The following ADK variants were observed in gnomAD, a reference collection of about 807,000 sequenced individuals.
ADK encodes N6,N6-dimethyladenosine kinase.
ADK carries 24 observed loss-of-function variants against 44.7 expected under a neutral mutation model. That is an observed-to-expected ratio of 0.54 (90% CI 0.39 to 0.76). The LOEUF is 0.76. Among genes scored for constraint, ADK ranks in the 30% least tolerant of loss-of-function variants. The pLI, the probability that ADK is intolerant of heterozygous loss-of-function variation, is 0.00. For missense variants in ADK, 321 were observed against 425.1 expected, an observed-to-expected ratio of 0.76 and a Z score of 2.15; for synonymous variants, 128 against 142.6, an observed-to-expected ratio of 0.90 and a Z score of 0.73.
At chr10:74,505,783 A>C (rs1848049571) in intron 6 of ADK, among the ~76,000 whole-genome samples, 1 of 152,154 alleles carries the variant, frequency 6.6e-6, no homozygotes, top group African/African-American at 2.4e-5. Flanking sequence ...TACCATGTGT[A>C]ATGATCTTTA....
chr10:74,352,826 T>C (rs1300091514), intron 4 of ADK, among the ~76,000 whole-genome samples: 1 of 152,164 alleles, frequency 6.6e-6, no homozygotes, highest in Non-Finnish European at 1.5e-5. Context: ...CTCATCATCA[T>C]TGGTCATTAG....
intron 9 of ADK, among the ~76,000 whole-genome samples, chr10:74,619,649 T>A (rs1474860792): frequency 6.6e-6 from 1 of 152,060 alleles, no homozygotes; most frequent in East Asian, 1.9e-4. Flanking sequence ...CATTTGTAGG[T>A]CTGGTTTTTA....
chr10:74,357,303 G>T (rs1158208793), intron 4 of ADK, among the ~76,000 whole-genome samples: 1 of 152,024 alleles, frequency 6.6e-6, no homozygotes, highest in Non-Finnish European at 1.5e-5. Context: ...TTTGTAGTGT[G>T]GTGGTGGTGA....
intron 1 of ADK, among the ~76,000 whole-genome samples, chr10:74,183,842 A>G (rs548352942): frequency 6.6e-6 from 1 of 152,266 alleles, no homozygotes; most frequent in East Asian, 1.9e-4. Context: ...AAATACTGTG[A>G]TAAAACATAA....
intron 4 of ADK, among the ~76,000 whole-genome samples, chr10:74,335,146 A>G (rs770617116): frequency 2.6e-5 from 4 of 152,182 alleles, no homozygotes; most frequent in Non-Finnish European, 2.9e-5. Context: ...CCTGTGACCA[A>G]TGTGCCATGC....
chr10:74,541,790 A>ACCCCC (rs1452468608), intron 7 of ADK, among the ~76,000 whole-genome samples: 1 of 24,124 alleles, frequency 4.1e-5, no homozygotes, highest in African/African-American at 1.5e-4. Context: ...GAGAACCCCC[A>ACCCCC]CACACCCCCC....
At chr10:74,656,041 G>A (rs1462760523) in intron 9 of ADK, 3 of 534,882 alleles carry the variant, frequency 5.6e-6, no homozygotes, top group Non-Finnish European at 1.1e-5. Flanking sequence ...CTTGGAGAGA[G>A]TAGGACTGGG....
chr10:74,589,679 A>T, intron 8 of ADK, among the ~76,000 whole-genome samples: 1 of 152,214 alleles, frequency 6.6e-6, no homozygotes, highest in South Asian at 2.1e-4. Flanking sequence ...TTCACTGCTA[A>T]AGCAGTGGTG....
At position 74,396,256 on chromosome 10, in the gene ADK, G is replaced by A. The variant is rs12573649; in HGVS notation, c.446+1943G>A. ...ACTATCAAAAACTCAGAAATTGGCC[G>A]GGTGTGGTGGTCACACCTTGTAATC... On this transcript the variant is annotated intron_variant, in intron 5 of 10. Coordinates refer to ENST00000539909, the MANE Select transcript of ADK (RefSeq NM_006721.4). 6.2e-4 allele frequency among the ~76,000 whole-genome samples: 94 copies of A among 152,280 alleles called. No homozygotes were observed. The East Asian group carries it at 0.013, about 21-fold the overall frequency.
chr10:74,286,773 T>C (rs1161499550), intron 3 of ADK, among the ~76,000 whole-genome samples: 5 of 152,232 alleles, frequency 3.3e-5, no homozygotes, highest in African/African-American at 1.2e-4. Flanking sequence ...ATTTAATGCA[T>C]TGTGGCAAAT....
At chr10:74,318,771 T>C (rs1326843211) in intron 4 of ADK, among the ~76,000 whole-genome samples, 1 of 152,220 alleles carries the variant, frequency 6.6e-6, no homozygotes, top group Non-Finnish European at 1.5e-5. Context: ...AGAGCTGGAA[T>C]GCCAAAACCT....
chr10:74,425,686 C>CTCAA (rs1844769060), intron 6 of ADK, among the ~76,000 whole-genome samples: 1 of 152,226 alleles, frequency 6.6e-6, no homozygotes. Flanking sequence ...AAAACTGAAG[C>CTCAA]TCAATGCACA....
chr10:74,502,612 C>T (rs1022379164), intron 6 of ADK, among the ~76,000 whole-genome samples: 3 of 151,954 alleles, frequency 2.0e-5, no homozygotes, highest in East Asian at 1.9e-4. Flanking sequence ...TTTCAATAGA[C>T]GAAAGCACTC....
At chr10:74,316,012 C>T (rs530821134) in intron 4 of ADK, among the ~76,000 whole-genome samples, 27 of 151,986 alleles carry the variant, frequency 1.8e-4, no homozygotes, top group Non-Finnish European at 3.1e-4. Context: ...CCGAGGTGGA[C>T]GGATCACTTG....
At chr10:74,180,456 C>CTTTT (rs1199684944) in intron 1 of ADK, among the ~76,000 whole-genome samples, 9 of 68,246 alleles carry the variant, frequency 1.3e-4, no homozygotes, top group African/African-American at 2.7e-4. Flanking sequence ...CCAGGCTAGT[C>CTTTT]TTTTTTTTTT....
At chr10:74,630,325 CTT>C (rs774789253) in intron 9 of ADK, among the ~76,000 whole-genome samples, 27 of 142,176 alleles carry the variant, frequency 1.9e-4, no homozygotes, top group South Asian at 2.2e-4. Flanking sequence ...AATTATCCCA[CTT>C]TTTTTTTTTT....
intron 1 of ADK, among the ~76,000 whole-genome samples, chr10:74,191,927 T>C (rs902304849): frequency 1.3e-5 from 2 of 152,242 alleles, no homozygotes; most frequent in Non-Finnish European, 2.9e-5. Flanking sequence ...TATTTCTTTA[T>C]GGTTATGCTT....
chr10:74,603,772 A>G (rs1465192587), intron 9 of ADK, among the ~76,000 whole-genome samples: 2 of 152,202 alleles, frequency 1.3e-5, no homozygotes, highest in Non-Finnish European at 1.5e-5. Flanking sequence ...CCCAGTAATG[A>G]GATTGCTGGA....
intron 9 of ADK, among the ~76,000 whole-genome samples, chr10:74,620,219 A>C (rs138368578): frequency 6.6e-6 from 1 of 152,234 alleles, no homozygotes; most frequent in African/African-American, 2.4e-5. Context: ...TATTCCTCCT[A>C]TCTAGCTCTA....
Sources: allele counts gnomAD v4.1 joint callset (sites outside exome capture counted in the v4.1 genomes callset), GRCh38; gene constraint gnomAD v4.1.1; transcripts MANE v1.5; gene names NCBI Gene and HGNC (gene_info 2026-07-23, HGNC 2026-07-21).